Variants in CDK13 observed in about 807,000 individuals in gnomAD.
CDK13 encodes cyclin dependent kinase 13, also known as cyclin-dependent kinase 13.
Under a neutral mutation model 137.6 loss-of-function variants are expected in CDK13, and 40 were observed. The observed-to-expected ratio is 0.29, with a 90% confidence interval of 0.23 to 0.38. CDK13 has a LOEUF of 0.38. CDK13 is among the 10% of genes least tolerant of loss of function. CDK13 has a pLI of 1.00. For missense variants in CDK13, 1,704 were observed against 1,951.8 expected (o/e 0.87, Z 2.39); for synonymous variants, 869 against 760.1 (o/e 1.14, Z -2.36).
At chr7:40,086,979 A>AT (rs1008247371) in intron 11 of CDK13, among the ~76,000 whole-genome samples, 6 of 151,466 alleles carry the variant, frequency 4.0e-5, no homozygotes, top group African/African-American at 9.7e-5. Context: ...TGACTGGCTA[A>AT]TTTTTTTATA....
At chr7:39,981,329 A>G (rs1340948087) in intron 1 of CDK13, among the ~76,000 whole-genome samples, 1 of 151,904 alleles carries the variant, frequency 6.6e-6, no homozygotes, top group African/African-American at 2.4e-5. Context: ...TGTTTGCGCC[A>G]CTGCACTCCA....
chr7:40,006,572 G>A (rs1421529740), intron 5 of CDK13, among the ~76,000 whole-genome samples: 4 of 152,114 alleles, frequency 2.6e-5, no homozygotes, highest in African/African-American at 9.7e-5. Context: ...CCAGCACTTT[G>A]GTTGGCTGAG....
chr7:40,072,683 T>C (rs994935041), intron 9 of CDK13: 1 of 152,222 alleles, frequency 6.6e-6, no homozygotes, highest in Non-Finnish European at 1.5e-5. Context: ...ACCCCACTTG[T>C]GAAAACTGTT....
chr7:40,031,819 ATTATTATTG>A (rs1265116597), intron 5 of CDK13, among the ~76,000 whole-genome samples: 1 of 126,090 alleles, frequency 7.9e-6, no homozygotes, highest in African/African-American at 3.1e-5. Flanking sequence ...CTAATTTATT[ATTATTATTG>A]TTATTATTAT....
At chr7:40,091,446 T>C (rs1437852640) in intron 12 of CDK13, among the ~76,000 whole-genome samples, 1 of 151,164 alleles carries the variant, frequency 6.6e-6, no homozygotes, top group Non-Finnish European at 1.5e-5. Context: ...TGCTTGAACA[T>C]GGGAGGCAGA....
chr7:40,011,103 T>A (rs1189585981), intron 5 of CDK13, among the ~76,000 whole-genome samples: 1 of 152,184 alleles, frequency 6.6e-6, no homozygotes. Flanking sequence ...ACAATTCCTA[T>A]CAAATCTCAG....
chr7:40,034,933 C>T (rs1233611506), intron 5 of CDK13, among the ~76,000 whole-genome samples: 106 of 152,258 alleles, frequency 7.0e-4, no homozygotes, highest in Non-Finnish European at 1.5e-5. Context: ...TTGACATTTA[C>T]TTTCAGTTGG....
At chr7:40,042,757 G>T (rs968584548) in intron 5 of CDK13, among the ~76,000 whole-genome samples, 1 of 151,282 alleles carries the variant, frequency 6.6e-6, no homozygotes, top group African/African-American at 2.4e-5. Flanking sequence ...TGGGATTACA[G>T]GTGTGAGCCA....
chr7:40,033,779 G>A (rs1785427036), intron 5 of CDK13, among the ~76,000 whole-genome samples: 2 of 152,264 alleles, frequency 1.3e-5, no homozygotes, highest in South Asian at 2.1e-4. Flanking sequence ...CTAAAGATTT[G>A]TTCTCAGTCT....
chr7:40,007,933 G>C (rs561414937), intron 5 of CDK13, among the ~76,000 whole-genome samples: 1 of 152,292 alleles, frequency 6.6e-6, no homozygotes, highest in East Asian at 1.9e-4. Context: ...GGTGCAGTTT[G>C]GATAGGTATA....
Position 40,088,035 on chromosome 7 carries a change from G to A in CDK13, c.3030-91G>A. The A allele has an allele frequency of 4.2e-6, 4 of 962,584 alleles. No individual in the cohort carries two copies. The South Asian group carries it at 6.3e-5, about 15-fold the overall frequency. 59.6% of individuals were successfully genotyped at this position (962,584 alleles called of 1,614,324 possible). A position where few individuals can be genotyped will look rare whatever the true frequency, so the allele number is the denominator to read the frequency against. ...CTATGAAGTCTTCAAGAACTATTTG[G>A]GGTGGGGGCATAACTTTGTTGCTAT... On this transcript the variant is annotated intron_variant, in intron 11 of 13. Coordinates refer to ENST00000181839, the MANE Select transcript of CDK13 (RefSeq NM_003718.5).
chr7:40,056,015 A>C (rs537721225), intron 7 of CDK13, among the ~76,000 whole-genome samples: 1 of 152,372 alleles, frequency 6.6e-6, no homozygotes, highest in East Asian at 1.9e-4. Flanking sequence ...TACATTTGTA[A>C]ACGGTTAACG....
chr7:40,012,764 C>G (rs1386863113), intron 5 of CDK13, among the ~76,000 whole-genome samples: 1 of 151,618 alleles, frequency 6.6e-6, no homozygotes. Flanking sequence ...ATACAAAAAT[C>G]AGCTGGGCGC....
intron 7 of CDK13, among the ~76,000 whole-genome samples, chr7:40,052,543 A>C (rs1785915821): frequency 1.3e-5 from 2 of 152,216 alleles, no homozygotes; most frequent in Admixed American, 1.3e-4. Context: ...ATAACCAGAA[A>C]GCATACTACA....
At position 40,078,861 on chromosome 7, in the gene CDK13, T is replaced by C. The variant is rs770484340; in HGVS notation, c.3029+10T>C. On this transcript the variant is annotated intron_variant, in intron 11 of 13. Coordinates refer to ENST00000181839, the MANE Select transcript of CDK13 (RefSeq NM_003718.5). ...AAATGCCTCCACCAGAGTAAGTGAC[T>C]TTTTATCCTATTATTATTATATATT... 7 of 1,285,358 alleles carry C rather than the reference T, an allele frequency of 5.4e-6. No homozygotes were observed. The highest frequency in any genetic ancestry group is 7.1e-6 in the Non-Finnish European group (7 of 980,486). 79.6% of individuals were successfully genotyped at this position (1,285,358 alleles called of 1,614,324 possible).
At chr7:40,036,956 T>C (rs1377720482) in intron 5 of CDK13, among the ~76,000 whole-genome samples, 1 of 152,228 alleles carries the variant, frequency 6.6e-6, no homozygotes, top group East Asian at 1.9e-4. Context: ...ACAAACAAGA[T>C]GGCATGTTAT....
At chr7:40,003,274 A>G (rs1035116284) in intron 5 of CDK13, among the ~76,000 whole-genome samples, 17 of 151,300 alleles carry the variant, frequency 1.1e-4, no homozygotes, top group African/African-American at 4.1e-4. Flanking sequence ...ACTACATGGT[A>G]GTTATTTTGC....
intron 12 of CDK13, among the ~76,000 whole-genome samples, chr7:40,089,148 G>GTTAT (rs1786857843): frequency 5.4e-5 from 8 of 148,816 alleles, no homozygotes; most frequent in Non-Finnish European, 3.0e-5. Flanking sequence ...AATATGAGAA[G>GTTAT]GGAAGGCCAG....
In CDK13 at chr7:39,951,617, C is replaced by G. The variant is rs753905031; in HGVS notation, c.976C>G (p.Pro326Ala). The G allele has an allele frequency of 2.0e-6, 3 of 1,485,078 alleles. No individual in the cohort carries two copies. The highest frequency in any genetic ancestry group is 1.8e-6 in the Non-Finnish European group (2 of 1,121,492). The allele number at this position is 1,485,078 out of a possible 1,614,324, so 92.0% of individuals were successfully genotyped here. ...CCCACTGGGAGGCCGGGACGACAGC[C>G]CGGTGTCCCACAGGGCCTCTCAGAG... The part of the protein sequence containing the change: ...LSPLGGRDDS[P>A]VSHRASQSLR... Residue 326 changes from proline to alanine, a missense_variant, in exon 1 of 14, where the codon CCG becomes GCG. Transcript: ENST00000181839.
Sources: allele counts gnomAD v4.1 joint callset (sites outside exome capture counted in the v4.1 genomes callset), GRCh38; gene constraint gnomAD v4.1.1; transcripts MANE v1.5; gene names NCBI Gene and HGNC (gene_info 2026-07-23, HGNC 2026-07-21).